FGF12: variants seen among roughly 807,000 people sequenced by gnomAD.
FGF12 encodes the protein fibroblast growth factor 12, also known as fibroblast growth factor 12B.
A neutral mutation model predicts 23.6 loss-of-function variants in FGF12; 14 were observed. The ratio of observed to expected loss-of-function variants is 0.59; its 90% CI spans 0.39 to 0.93. FGF12 has a LOEUF of 0.93. Ranked by LOEUF, FGF12 falls within the 40% of genes least tolerant of loss-of-function variation. FGF12 has a pLI of 0.00. For missense variants in FGF12, 175 were observed against 217.8 expected, an observed-to-expected ratio of 0.80 and a Z score of 1.24; for synonymous variants, 62 against 77.3, an observed-to-expected ratio of 0.80 and a Z score of 1.04.
intron 2 of FGF12, among the ~76,000 whole-genome samples, chr3:192,447,495 T>G (rs1722389496): frequency 6.6e-6 from 1 of 152,240 alleles, no homozygotes; most frequent in Non-Finnish European, 1.5e-5. Context: ...ATCACCCATT[T>G]CTGTAGTACT....
chr3:192,258,666 A>G (rs1463933398), intron 4 of FGF12, among the ~76,000 whole-genome samples: 1 of 152,138 alleles, frequency 6.6e-6, no homozygotes, highest in African/African-American at 2.4e-5. Context: ...TTATTTTTAT[A>G]CTATTAAAGA....
At chr3:192,681,879 T>A (rs2108708163) in intron 2 of FGF12, among the ~76,000 whole-genome samples, 1 of 152,268 alleles carries the variant, frequency 6.6e-6, no homozygotes, top group Non-Finnish European at 1.5e-5. Context: ...CACCATAGAA[T>A]GACTGCATTT....
At chr3:192,711,276 G>A (rs1032305868) in intron 2 of FGF12, among the ~76,000 whole-genome samples, 7 of 128,862 alleles carry the variant, frequency 5.4e-5, no homozygotes, top group South Asian at 2.6e-4. Context: ...CGCCCCGTCC[G>A]GGAGGGAGGT....
At chr3:192,471,701 T>G (rs1180091663) in intron 2 of FGF12, among the ~76,000 whole-genome samples, 5 of 152,188 alleles carry the variant, frequency 3.3e-5, no homozygotes, top group Non-Finnish European at 1.5e-5. Flanking sequence ...GCTCTCAAAG[T>G]GAGCTGGGAT....
At chr3:192,334,855 T>C (rs1717314435) in intron 4 of FGF12, among the ~76,000 whole-genome samples, 1 of 152,152 alleles carries the variant, frequency 6.6e-6, no homozygotes, top group African/African-American at 2.4e-5. Flanking sequence ...TAAATTCATA[T>C]TGCCTTTAAA....
At chr3:192,333,537 T>C (rs745628431) in intron 4 of FGF12, among the ~76,000 whole-genome samples, 1 of 152,104 alleles carries the variant, frequency 6.6e-6, no homozygotes, top group Non-Finnish European at 1.5e-5. Context: ...TATTTAATTG[T>C]TATTTTAAGC....
At chr3:192,634,962 C>T (rs1330462961) in intron 2 of FGF12, among the ~76,000 whole-genome samples, 1 of 152,084 alleles carries the variant, frequency 6.6e-6, no homozygotes, top group Non-Finnish European at 1.5e-5. Flanking sequence ...CAGGTTCAAG[C>T]GATTCTCCCG....
intron 4 of FGF12, among the ~76,000 whole-genome samples, chr3:192,247,556 G>T (rs1159525114): frequency 6.6e-6 from 1 of 152,148 alleles, no homozygotes; most frequent in Admixed American, 6.6e-5. Flanking sequence ...TCTATATGAT[G>T]GCACATATTT....
At chr3:192,531,985 G>A (rs929467646) in intron 2 of FGF12, among the ~76,000 whole-genome samples, 8 of 152,110 alleles carry the variant, frequency 5.3e-5, no homozygotes, top group Non-Finnish European at 8.8e-5. Flanking sequence ...AGTTTTCCCA[G>A]CAACATTTAT....
chr3:192,595,380 T>C (rs1297999482), intron 2 of FGF12, among the ~76,000 whole-genome samples: 6 of 152,230 alleles, frequency 3.9e-5, no homozygotes, highest in African/African-American at 1.4e-4. Flanking sequence ...TTCAACACAG[T>C]TTCCTCCTCC....
intron 4 of FGF12, among the ~76,000 whole-genome samples, chr3:192,229,969 G>GA (rs11422504): frequency 0.48 from 72,468 of 151,864 alleles, 18,587 homozygotes; most frequent in East Asian, 0.99. Flanking sequence ...ATGTGAGAAA[G>GA]ATGTTGTAAA....
chr3:192,290,347 T>C (rs1380570585), intron 4 of FGF12, among the ~76,000 whole-genome samples: 1 of 152,124 alleles, frequency 6.6e-6, no homozygotes, highest in East Asian at 1.9e-4. Flanking sequence ...TTAAAAAGAT[T>C]TGGCTGCACT....
chr3:192,585,855 T>C (rs1313020943), intron 2 of FGF12, among the ~76,000 whole-genome samples: 2 of 152,204 alleles, frequency 1.3e-5, no homozygotes, highest in African/African-American at 4.8e-5. Context: ...CCATGATTAC[T>C]TATACTTAGT....
At chr3:192,227,577 A>G (rs1414262474) in intron 4 of FGF12, among the ~76,000 whole-genome samples, 2 of 150,546 alleles carry the variant, frequency 1.3e-5, no homozygotes, top group African/African-American at 4.9e-5. Flanking sequence ...TCAGAACTTA[A>G]AGTAAAAAAA....
chr3:192,191,399 G>T (rs558096334), intron 4 of FGF12, among the ~76,000 whole-genome samples: 171 of 152,306 alleles, frequency 1.1e-3, no homozygotes, highest in Non-Finnish European at 2.1e-3. Context: ...ATATGTCAGT[G>T]CAGGGTCATA....
chr3:192,334,659 TG>T (rs149673990), intron 4 of FGF12, among the ~76,000 whole-genome samples: 2,718 of 152,260 alleles, frequency 0.018, 69 homozygotes, highest in African/African-American at 0.051. Context: ...TAGCCACTGA[TG>T]GCTACCTAAT....
intron 4 of FGF12, among the ~76,000 whole-genome samples, chr3:192,267,457 A>AT (rs1216241768): frequency 6.6e-6 from 1 of 152,200 alleles, no homozygotes; most frequent in Non-Finnish European, 1.5e-5. Flanking sequence ...ATAAAAGACT[A>AT]TATCTTCTCT....
chr3:192,588,359 A>G (rs1335177250), intron 2 of FGF12, among the ~76,000 whole-genome samples: 2 of 148,618 alleles, frequency 1.3e-5, no homozygotes, highest in African/African-American at 4.9e-5. Flanking sequence ...CAAAAAAAAA[A>G]AAAAAAAAGA....
At chr3:192,237,518 G>C (rs914125855) in intron 4 of FGF12, among the ~76,000 whole-genome samples, 1 of 152,088 alleles carries the variant, frequency 6.6e-6, no homozygotes, top group African/African-American at 2.4e-5. Flanking sequence ...ATTTCTCAGA[G>C]CTTTTGTTCA....
Sources: gnomAD v4.1 joint callset for allele counts (sites outside exome capture counted in the v4.1 genomes callset) on GRCh38, gnomAD v4.1.1 for gene constraint, MANE v1.5 for transcripts, NCBI Gene and HGNC (gene_info 2026-07-23, HGNC 2026-07-21) for gene names.